The following NSD1 variants were observed in gnomAD, a reference collection of about 807,000 sequenced individuals.
NSD1 encodes nuclear receptor binding SET domain protein 1.
A neutral mutation model predicts 242.7 loss-of-function variants in NSD1; 26 were observed. The observed-to-expected ratio is 0.11, with a 90% CI of 0.08 to 0.15. NSD1 has a LOEUF of 0.15. NSD1 is among the 10% of genes least tolerant of loss of function. The pLI is 1.00. For missense variants in NSD1, 2,495 were observed against 3,272.8 expected (o/e 0.76, Z 5.80); for synonymous variants, 1,106 against 1,178.1 (o/e 0.94, Z 1.25).
At chr5:177,270,400 G>A (rs1167729987) in intron 16 of NSD1, among the ~76,000 whole-genome samples, 1 of 152,208 alleles carries the variant, frequency 6.6e-6, no homozygotes, top group African/African-American at 2.4e-5. Flanking sequence ...AATGGAGAAA[G>A]TTTGCTCTTA....
intron 14 of NSD1, among the ~76,000 whole-genome samples, chr5:177,260,595 G>C (rs184300378): frequency 1.3e-5 from 2 of 151,912 alleles, no homozygotes; most frequent in African/African-American, 4.8e-5. Context: ...TGATTTGCCC[G>C]CCTCGGCCTC....
At position 177,283,854 on chromosome 5, in the gene NSD1, A is replaced by G; in HGVS notation, c.6077A>G (p.Asn2026Ser). The G allele has an allele frequency of 6.2e-7, 1 of 1,614,186 alleles. No individual in the cohort carries two copies. Among genetic ancestry groups the G allele is most frequent in the Non-Finnish European group, 8.5e-7 (1 of 1,180,006 alleles). ...TTCATGAATCATTGCTGCCAGCCCA[A>G]CTGTGAAACACAGAAGTGGTCTGTG... ...ARFMNHCCQP[N>S]CETQKWSVNG... is the part of the protein sequence containing the mutation. The change falls in exon 20 of 23, where the codon AAC becomes AGC. Residue 2026 changes from asparagine to serine, a missense_variant. Coordinates refer to ENST00000439151, the MANE Select transcript of NSD1 (RefSeq NM_022455.5).
rs79876700 is a variant in NSD1, at chr5:177,247,643, A to G, written c.4498-538A>G. On this transcript the variant is annotated intron_variant, in intron 10 of 22. Transcript: ENST00000439151. Reference sequence around the variant, plus strand: ...TGCTTATTTCTTGAGACCATCAGCTACTTAATCTTAGGACAATTTTTATGA... The same window carrying G: ...TGCTTATTTCTTGAGACCATCAGCTGCTTAATCTTAGGACAATTTTTATGA... Among the ~76,000 whole-genome samples the G allele has an allele frequency of 9.7e-3, 1,479 of 152,202 alleles. 28 individuals are homozygous for G. The highest frequency in any genetic ancestry group is 0.013 in the Non-Finnish European group (873 of 68,006).
At chr5:177,185,624 CT>C (rs1292824951) in intron 2 of NSD1, among the ~76,000 whole-genome samples, 1 of 133,548 alleles carries the variant, frequency 7.5e-6, no homozygotes, top group African/African-American at 2.8e-5. Flanking sequence ...TATATATTTG[CT>C]TTTTTGTTTG....
intron 11 of NSD1, among the ~76,000 whole-genome samples, chr5:177,251,220 A>G (rs568312794): frequency 3.3e-5 from 5 of 152,132 alleles, no homozygotes; most frequent in Middle Eastern, 3.4e-3. Flanking sequence ...AAATCTTACA[A>G]TGTTTTATAG....
At chr5:177,234,114 CAG>C in intron 5 of NSD1, among the ~76,000 whole-genome samples, 1 of 152,174 alleles carries the variant, frequency 6.6e-6, no homozygotes, top group South Asian at 2.1e-4. Context: ...ATGGCTTCTT[CAG>C]TAAAGTGAGA....
chr5:177,141,014 T>A lies in NSD1; in HGVS notation c.927+4984T>A, dbSNP rs375321692. 2.6e-5 allele frequency among the ~76,000 whole-genome samples: 4 copies of A among 152,144 alleles called. No individual in the cohort carries two copies. The East Asian group carries it at 7.7e-4, about 29-fold the overall frequency. On this transcript the variant is annotated intron_variant, in intron 2 of 22. Transcript: ENST00000439151. The stretch of plus-strand genomic sequence containing the variant: ...CCGATTCCCTCCTGGCTGGGTGACC[T>A]TTTTTGTTTGTTTTTGTTTTTGTTT...
intron 10 of NSD1, chr5:177,247,792 A>AT: frequency 2.1e-6 from 1 of 472,892 alleles, no homozygotes; most frequent in Non-Finnish European, 2.8e-6. Flanking sequence ...AGCATCACAC[A>AT]TTATGATGCA....
chr5:177,269,394 C>T lies in NSD1; in HGVS notation c.5304-208C>T, dbSNP rs189999165. Among the ~76,000 whole-genome samples the T allele has an allele frequency of 3.9e-5, 6 of 152,120 alleles. No homozygotes were observed. Among genetic ancestry groups the T allele is most frequent in the Non-Finnish European group, 7.4e-5 (5 of 68,006 alleles). ...TAGAATAATTGAGTCTAAGGGAGTG[C>T]GCGCCTGTGTGGGAATGTGGGCAGA... On this transcript the variant is annotated intron_variant, in intron 15 of 22. Transcript: ENST00000439151. The surrounding 1 kb of genome is among the most constrained non-coding windows in gnomAD (Gnocchi z 5.1).
intron 2 of NSD1, among the ~76,000 whole-genome samples, chr5:177,136,606 CTTTT>C (rs1174352886): frequency 7.1e-6 from 1 of 141,340 alleles, no homozygotes; most frequent in East Asian, 2.0e-4. Context: ...ACCATTAGCT[CTTTT>C]TTTTTTTTTT....
chr5:177,160,596 C>T (rs1177511727), intron 2 of NSD1, among the ~76,000 whole-genome samples: 1 of 152,064 alleles, frequency 6.6e-6, no homozygotes, highest in Non-Finnish European at 1.5e-5. Flanking sequence ...AGCCACTGTG[C>T]CCCGCCTGCA....
chr5:177,178,880 T>C (rs1760427196), intron 2 of NSD1, among the ~76,000 whole-genome samples: 1 of 151,792 alleles, frequency 6.6e-6, no homozygotes, highest in South Asian at 2.1e-4. Flanking sequence ...ACTCTTAGAG[T>C]GTGGTATTAA....
chr5:177,229,682 GGGTAGTTGA>G (rs1197508767), intron 5 of NSD1: 2 of 356,590 alleles, frequency 5.6e-6, no homozygotes, highest in Non-Finnish European at 1.1e-5. Context: ...TAGGGAGTTG[GGGTAGTTGA>G]GGCAAGGAAG....
At chr5:177,217,108 A>G (rs971927309) in intron 5 of NSD1, among the ~76,000 whole-genome samples, 2 of 152,060 alleles carry the variant, frequency 1.3e-5, no homozygotes, top group African/African-American at 4.8e-5. Context: ...TAGTAGGGAT[A>G]TCTTAACAAT....
chr5:177,257,956 G>A (rs1402707095), intron 13 of NSD1, among the ~76,000 whole-genome samples: 4 of 146,510 alleles, frequency 2.7e-5, no homozygotes, highest in African/African-American at 5.0e-5. Flanking sequence ...GAGCCACCAC[G>A]CGTGGCCCCC....
At chr5:177,173,671 C>G (rs1759922599) in intron 2 of NSD1, among the ~76,000 whole-genome samples, 1 of 151,986 alleles carries the variant, frequency 6.6e-6, no homozygotes, top group South Asian at 2.1e-4. Flanking sequence ...CGGGATTTCC[C>G]CATGTTGGTC....
At chr5:177,152,568 C>T (rs994678115) in intron 2 of NSD1, among the ~76,000 whole-genome samples, 4 of 150,580 alleles carry the variant, frequency 2.7e-5, no homozygotes, top group African/African-American at 9.8e-5. Context: ...ATTCTCCTGC[C>T]TCAGCCTCCC....
chr5:177,131,931 T>C (rs1320787171), upstream of NSD1, among the ~76,000 whole-genome samples: 3 of 152,038 alleles, frequency 2.0e-5, no homozygotes, highest in Admixed American at 6.5e-5. Context: ...AGGTAACTCC[T>C]GAGGTGAGCT....
chr5:177,250,649 A>C (rs554665672), intron 11 of NSD1, among the ~76,000 whole-genome samples: 1 of 150,710 alleles, frequency 6.6e-6, no homozygotes, highest in South Asian at 2.1e-4. Flanking sequence ...TTCAGTTTTT[A>C]TATGTGAATA....
Sources: gnomAD v4.1 joint callset for allele counts (sites outside exome capture counted in the v4.1 genomes callset) on GRCh38, gnomAD v4.1.1 for gene constraint, Gnocchi (gnomAD v3.1) non-coding constraint, MANE v1.5 for transcripts, NCBI Gene and HGNC (gene_info 2026-07-23, HGNC 2026-07-21) for gene names.